The following PPP1R1C variants were observed in gnomAD, a reference collection of about 807,000 sequenced individuals.
PPP1R1C encodes the protein protein phosphatase 1 regulatory inhibitor subunit 1C.
A neutral mutation model predicts 17.4 loss-of-function variants in PPP1R1C; 15 were observed. The ratio of observed to expected loss-of-function variants is 0.86; its 90% CI spans 0.58 to 1.33. The LOEUF (loss-of-function observed/expected upper bound fraction) is 1.33. Among genes scored for constraint, PPP1R1C ranks in the 40% most tolerant of loss-of-function variants. PPP1R1C has a pLI of 0.00. For missense variants in PPP1R1C, 143 were observed against 130.0 expected (o/e 1.10, Z -0.48); for synonymous variants, 35 against 43.1 (o/e 0.81, Z 0.73).
intron 2 of PPP1R1C, among the ~76,000 whole-genome samples, chr2:181,994,436 CCTTT>C (rs1401228520): frequency 2.6e-5 from 4 of 152,148 alleles, no homozygotes; most frequent in African/African-American, 4.8e-5. Flanking sequence ...TTCTGGCTAA[CCTTT>C]CTTTATTTAT....
intron 4 of PPP1R1C, among the ~76,000 whole-genome samples, chr2:182,104,523 C>G (rs956309300): frequency 6.6e-6 from 1 of 152,196 alleles, no homozygotes; most frequent in African/African-American, 2.4e-5. Context: ...GTTGAACCAT[C>G]TTTGCATCCC....
chr2:181,973,870 C>T (rs1046443805), intron 1 of PPP1R1C, among the ~76,000 whole-genome samples: 1 of 152,076 alleles, frequency 6.6e-6, no homozygotes, highest in Non-Finnish European at 1.5e-5. Flanking sequence ...ATTTACATCC[C>T]TGTTTTCTTT....
intron 2 of PPP1R1C, among the ~76,000 whole-genome samples, chr2:182,010,915 G>A (rs1439068884): frequency 6.6e-6 from 1 of 152,028 alleles, no homozygotes; most frequent in Admixed American, 6.6e-5. Flanking sequence ...TTGCTATAAT[G>A]TATCACATCG....
chr2:182,015,228 G>A (rs2125158665), intron 2 of PPP1R1C, among the ~76,000 whole-genome samples: 1 of 152,164 alleles, frequency 6.6e-6, no homozygotes, highest in African/African-American at 2.4e-5. Context: ...GAATCATGGG[G>A]GCAGTTTACC....
At chr2:182,044,838 A>G (rs1687294041) in intron 2 of PPP1R1C, among the ~76,000 whole-genome samples, 1 of 152,336 alleles carries the variant, frequency 6.6e-6, no homozygotes, top group East Asian at 1.9e-4. Context: ...GACACAGATT[A>G]TCATAGGCGT....
intron 2 of PPP1R1C, among the ~76,000 whole-genome samples, chr2:181,990,695 AAC>A (rs1211677176): frequency 6.6e-6 from 1 of 152,236 alleles, no homozygotes; most frequent in Non-Finnish European, 1.5e-5. Context: ...TGCGCGATCC[AAC>A]AGTTTCTTTT....
downstream of PPP1R1C, among the ~76,000 whole-genome samples, chr2:182,121,264 A>G (rs1367759023): frequency 1.3e-5 from 2 of 152,204 alleles, no homozygotes; most frequent in East Asian, 3.8e-4. Context: ...TTTGTAAAAT[A>G]GGTACAATCA....
At chr2:181,989,199 A>C (rs113768521) in intron 2 of PPP1R1C, among the ~76,000 whole-genome samples, 209 of 152,246 alleles carry the variant, frequency 1.4e-3, no homozygotes, top group Admixed American at 2.7e-3. Flanking sequence ...CTTGATTTCC[A>C]GGTGTTCTAT....
downstream of PPP1R1C, among the ~76,000 whole-genome samples, chr2:182,120,068 C>T (rs1035381525): frequency 1.2e-4 from 18 of 152,010 alleles, no homozygotes; most frequent in South Asian, 6.2e-4. Context: ...TAATCCATCT[C>T]GAATTAATTT....
At chr2:181,966,833 G>A (rs1684913123) in intron 1 of PPP1R1C, among the ~76,000 whole-genome samples, 1 of 152,190 alleles carries the variant, frequency 6.6e-6, no homozygotes, top group South Asian at 2.1e-4. Context: ...AATGAGTTTG[G>A]AAGTATTTCT....
chr2:182,045,440 C>CA (rs11360325), intron 2 of PPP1R1C, among the ~76,000 whole-genome samples: 12,473 of 146,948 alleles, frequency 0.085, 1,201 homozygotes, highest in African/African-American at 0.21. Context: ...CTGTTAGTAA[C>CA]AAAAAAAAAA....
chr2:182,128,300 G>A (rs181986910), intron 5 of PPP1R1C, among the ~76,000 whole-genome samples: 47 of 152,166 alleles, frequency 3.1e-4, no homozygotes, highest in African/African-American at 1.1e-3. Flanking sequence ...GCAAAAGGTA[G>A]CGTCTCCTTT....
rs182105851 is a variant in PPP1R1C at position 182,018,098 on chromosome 2, T to C, written c.142+30199T>C. Among the ~76,000 whole-genome samples the C allele has an allele frequency of 2.0e-5, 3 of 152,280 alleles. No individual in the cohort carries two copies. In the East Asian group the frequency reaches 5.8e-4, roughly 29 times the overall value. On this transcript the variant is annotated intron_variant, in intron 2 of 4. Coordinates refer to ENST00000682840, the MANE Select transcript of PPP1R1C (RefSeq NM_001080545.3). ...ATTTGTAATCCTGTCTTCTTAAATA[T>C]TTAAAGCAAAAAATGGACAGTAATG...
In PPP1R1C at chr2:182,009,168, T is replaced by C. The variant is rs112299451; in HGVS notation, c.142+21269T>C. 3.3e-5 allele frequency among the ~76,000 whole-genome samples: 5 copies of C among 152,268 alleles called. 1 individual carries two copies. The highest frequency in any genetic ancestry group is 9.6e-5 in the African/African-American group (4 of 41,568). On this transcript the variant is annotated intron_variant, in intron 2 of 4. Transcript: ENST00000682840. The stretch of plus-strand genomic sequence containing the variant: ...TTATCAATGGGATTACTGGGTCATA[T>C]GATAGTTCTATTTTTAGTTTTTTTC...
downstream of PPP1R1C, among the ~76,000 whole-genome samples, chr2:182,121,749 G>C: frequency 6.6e-6 from 1 of 151,914 alleles, no homozygotes; most frequent in Non-Finnish European, 1.5e-5. Flanking sequence ...TAATCCGCCC[G>C]CCTCAGCCTC....
intron 2 of PPP1R1C, among the ~76,000 whole-genome samples, chr2:182,058,515 G>A (rs1387091333): frequency 6.6e-6 from 1 of 152,074 alleles, no homozygotes; most frequent in African/African-American, 2.4e-5. Context: ...TTGGAGGGAA[G>A]TTATAGTCTG....
intron 2 of PPP1R1C, among the ~76,000 whole-genome samples, chr2:181,997,354 C>T (rs1685645299): frequency 1.3e-5 from 2 of 152,032 alleles, no homozygotes; most frequent in Admixed American, 1.3e-4. Flanking sequence ...ACGTGGACTA[C>T]TTAACCAAGT....
chr2:182,088,169 C>A (rs1688684546), intron 4 of PPP1R1C, among the ~76,000 whole-genome samples: 1 of 152,008 alleles, frequency 6.6e-6, no homozygotes, highest in African/African-American at 2.4e-5. Flanking sequence ...ACAGACACTG[C>A]ATGGTATTTA....
chr2:182,061,968 CT>C (rs1254573708), intron 3 of PPP1R1C, among the ~76,000 whole-genome samples: 4 of 152,084 alleles, frequency 2.6e-5, no homozygotes, highest in Non-Finnish European at 4.4e-5. Context: ...ATTCAGCAGG[CT>C]GTCTGAACAC....
Sources: allele counts gnomAD v4.1 joint callset (sites outside exome capture counted in the v4.1 genomes callset), GRCh38; gene constraint gnomAD v4.1.1; transcripts MANE v1.5; gene names NCBI Gene and HGNC (gene_info 2026-07-23, HGNC 2026-07-21).